Variants in GPM6A observed in about 807,000 individuals in gnomAD.
The protein encoded by GPM6A is neuronal membrane glycoprotein M6-a.
In GPM6A, 7 loss-of-function variants were observed where a neutral mutation model predicts 32.1. The observed-to-expected ratio is 0.22, with a 90% CI of 0.12 to 0.41. The LOEUF is 0.41. GPM6A is among the 10% of genes least tolerant of loss of function. The probability of loss-of-function intolerance (pLI) is 1.00; values close to 1 mark genes in which losing one functional copy is unlikely to be tolerated. For missense variants in GPM6A, 235 were observed against 347.2 expected (o/e 0.68, Z 2.57); for synonymous variants, 130 against 123.4 (o/e 1.05, Z -0.35).
chr4:175,963,829 A>T (rs746245293), intron 1 of GPM6A, among the ~76,000 whole-genome samples: 5 of 152,208 alleles, frequency 3.3e-5, no homozygotes, highest in Non-Finnish European at 5.9e-5. Context: ...GAATGAAATG[A>T]CTGACACCAA....
intron 1 of GPM6A, among the ~76,000 whole-genome samples, chr4:175,947,187 TAAA>T (rs11351091): frequency 6.8e-6 from 1 of 147,796 alleles, no homozygotes; most frequent in Non-Finnish European, 1.5e-5. Flanking sequence ...ACAGAGTCTT[TAAA>T]AAAAAAAAAA....
chr4:175,829,568 T>A (rs535481494), intron 1 of GPM6A, among the ~76,000 whole-genome samples: 91 of 150,574 alleles, frequency 6.0e-4, no homozygotes, highest in South Asian at 1.9e-3. Context: ...CGCTGGGGGT[T>A]TTTAGCAGTT....
chr4:175,691,020 C>A (rs1170218625), intron 2 of GPM6A, among the ~76,000 whole-genome samples: 4 of 152,102 alleles, frequency 2.6e-5, no homozygotes, highest in Non-Finnish European at 4.4e-5. Context: ...TTATAATAAA[C>A]CTGAGGTATC....
intron 1 of GPM6A, among the ~76,000 whole-genome samples, chr4:175,982,763 C>G (rs11942788): frequency 0.11 from 17,005 of 151,978 alleles, 1,084 homozygotes; most frequent in East Asian, 0.22. Flanking sequence ...GAGAATCAAC[C>G]TATAAAACTT....
At chr4:175,700,585 G>A (rs1011015584) in intron 2 of GPM6A, among the ~76,000 whole-genome samples, 2 of 152,098 alleles carry the variant, frequency 1.3e-5, no homozygotes, top group Non-Finnish European at 2.9e-5. Context: ...AAATCTAAAA[G>A]CATCATATTA....
At chr4:175,779,258 C>T (rs1733518449) in intron 1 of GPM6A, among the ~76,000 whole-genome samples, 1 of 152,148 alleles carries the variant, frequency 6.6e-6, no homozygotes, top group South Asian at 2.1e-4. Context: ...ATGTGGAAGT[C>T]TTTATGAATA....
chr4:175,753,037 A>G (rs1055290262), intron 1 of GPM6A, among the ~76,000 whole-genome samples: 8 of 152,162 alleles, frequency 5.3e-5, no homozygotes, highest in African/African-American at 1.9e-4. Flanking sequence ...CATTTCCCAT[A>G]TGGGACACAG....
At chr4:175,740,535 G>A (rs1275497799) in intron 1 of GPM6A, among the ~76,000 whole-genome samples, 1 of 151,896 alleles carries the variant, frequency 6.6e-6, no homozygotes, top group African/African-American at 2.4e-5. Flanking sequence ...ATCTTCCCAC[G>A]AGTGCCTCCC....
intron 1 of GPM6A, among the ~76,000 whole-genome samples, chr4:175,946,315 T>C (rs1056526692): frequency 6.6e-6 from 1 of 152,206 alleles, no homozygotes; most frequent in Non-Finnish European, 1.5e-5. Context: ...TCCTATCATC[T>C]TCCATTCATT....
intron 1 of GPM6A, among the ~76,000 whole-genome samples, chr4:175,886,845 T>A (rs1737476119): frequency 6.6e-6 from 1 of 151,884 alleles, no homozygotes; most frequent in South Asian, 2.1e-4. Flanking sequence ...TCTAATTGAA[T>A]TTTGGAAATC....
chr4:175,992,323 G>GA (rs1192363487), intron 1 of GPM6A, among the ~76,000 whole-genome samples: 3 of 151,766 alleles, frequency 2.0e-5, no homozygotes, highest in African/African-American at 7.3e-5. Flanking sequence ...TTAATAAAGG[G>GA]AAAAAAATAT....
At chr4:175,883,185 T>C (rs1054643647) in intron 1 of GPM6A, among the ~76,000 whole-genome samples, 3 of 152,030 alleles carry the variant, frequency 2.0e-5, no homozygotes, top group Non-Finnish European at 2.9e-5. Flanking sequence ...CACAGGTAAT[T>C]AACCCAATTT....
chr4:175,813,823 C>T (rs1238580328), upstream of GPM6A, among the ~76,000 whole-genome samples: 1 of 152,146 alleles, frequency 6.6e-6, no homozygotes, highest in Non-Finnish European at 1.5e-5. Context: ...ATGTTTAGTC[C>T]TCTTACTTGT....
intron 1 of GPM6A, among the ~76,000 whole-genome samples, chr4:175,783,302 TA>T (rs34610056): frequency 6.6e-6 from 1 of 151,894 alleles, no homozygotes; most frequent in Non-Finnish European, 1.5e-5. Context: ...ATAATTTTTT[TA>T]AAAATAATGG....
At chr4:175,914,064 G>C (rs1189038982) in intron 1 of GPM6A, among the ~76,000 whole-genome samples, 1 of 151,986 alleles carries the variant, frequency 6.6e-6, no homozygotes, top group Non-Finnish European at 1.5e-5. Context: ...CATAGGATTT[G>C]TGCCCCACAT....
intron 1 of GPM6A, among the ~76,000 whole-genome samples, chr4:175,862,590 C>A (rs574757856): frequency 4.7e-4 from 71 of 152,256 alleles, no homozygotes; most frequent in African/African-American, 1.5e-3. Context: ...GCTGTTTGAA[C>A]TTTCTTGTAC....
At chr4:175,640,001 T>G in intron 6 of GPM6A, 128 bp downstream of exon 6, 1 of 801,568 alleles carries the variant, frequency 1.2e-6, no homozygotes, top group Non-Finnish European at 2.2e-6. Flanking sequence ...TTTCCCTACT[T>G]TTTTTAATCT....
chr4:175,976,532 G>A (rs1210020757), intron 1 of GPM6A, among the ~76,000 whole-genome samples: 1 of 151,970 alleles, frequency 6.6e-6, no homozygotes, highest in East Asian at 1.9e-4. Flanking sequence ...ACAGGCAATA[G>A]CTAAATAAAC....
At chr4:175,903,786 C>G (rs186769978) in intron 1 of GPM6A, among the ~76,000 whole-genome samples, 225 of 152,178 alleles carry the variant, frequency 1.5e-3, no homozygotes, top group African/African-American at 5.2e-3. Context: ...TTGAAGTAAT[C>G]TAGAGAACCA....
Sources: gnomAD v4.1 joint callset for allele counts (sites outside exome capture counted in the v4.1 genomes callset) on GRCh38, gnomAD v4.1.1 for gene constraint, MANE v1.5 for transcripts, NCBI Gene and HGNC (gene_info 2026-07-23, HGNC 2026-07-21) for gene names.